PDZRN4: variants seen among roughly 807,000 people sequenced by gnomAD.
PDZRN4 encodes the protein PDZ domain containing ring finger 4.
PDZRN4 carries 70 observed loss-of-function variants against 99.0 expected under a neutral mutation model. That is an observed-to-expected ratio of 0.71 (90% CI 0.58 to 0.86). The LOEUF (loss-of-function observed/expected upper bound fraction) is 0.86. PDZRN4 is among the 40% of genes least tolerant of loss of function. The pLI is 0.00. For missense variants in PDZRN4, 1,474 were observed against 1,331.2 expected, an observed-to-expected ratio of 1.11 and a Z score of -1.67; for synonymous variants, 551 against 501.6, an observed-to-expected ratio of 1.10 and a Z score of -1.32.
intron 3 of PDZRN4, among the ~76,000 whole-genome samples, chr12:41,372,216 C>T (rs1401683481): frequency 6.6e-6 from 1 of 152,082 alleles, no homozygotes; most frequent in Non-Finnish European, 1.5e-5. Flanking sequence ...CAGAAAATTA[C>T]AGTGTGGCCC....
intron 3 of PDZRN4, among the ~76,000 whole-genome samples, chr12:41,323,848 T>C (rs556020376): frequency 1.3e-5 from 2 of 152,112 alleles, no homozygotes; most frequent in East Asian, 3.9e-4. Context: ...TTTATATTAA[T>C]TTTTTTAAAT....
chr12:41,252,138 T>TA (rs1327008422), intron 3 of PDZRN4, among the ~76,000 whole-genome samples: 2 of 148,856 alleles, frequency 1.3e-5, no homozygotes, highest in African/African-American at 2.5e-5. Context: ...AAATAAATAA[T>TA]AAAATGAAGT....
rs1461621445 is a variant in PDZRN4, at chr12:41,266,112, C to G, written c.843+71924C>G. Among the ~76,000 whole-genome samples, 2 of 13,870 alleles carry G rather than the reference C, an allele frequency of 1.4e-4. 1 individual carries two copies. The highest frequency in any genetic ancestry group is 3.7e-4 in the Non-Finnish European group (2 of 5,444). The allele number at this position is 13,870 out of a possible 152,430, so 9.1% of individuals were successfully genotyped here. A position where few individuals can be genotyped will look rare whatever the true frequency, so the allele number is the denominator to read the frequency against. ...GGATCACGAGGTCAGGAGATCGAGA[C>G]CATCCCGGCTAAAACGGTGAAACCC... On this transcript the variant is annotated intron_variant, in intron 3 of 9. Coordinates refer to ENST00000402685, the MANE Select transcript of PDZRN4 (RefSeq NM_001164595.2).
intron 3 of PDZRN4, among the ~76,000 whole-genome samples, chr12:41,219,749 G>A (rs1368536105): frequency 6.6e-6 from 1 of 152,124 alleles, no homozygotes; most frequent in Non-Finnish European, 1.5e-5. Flanking sequence ...TGGTTTTGCA[G>A]AAAACTGAAT....
intron 3 of PDZRN4, among the ~76,000 whole-genome samples, chr12:41,375,673 T>C (rs758574043): frequency 1.2e-4 from 18 of 152,186 alleles, no homozygotes; most frequent in Non-Finnish European, 2.2e-4. Flanking sequence ...TATACCTATA[T>C]ATTATGAAAG....
chr12:41,477,396 A>G (rs1592076321), intron 3 of PDZRN4, among the ~76,000 whole-genome samples: 1 of 152,192 alleles, frequency 6.6e-6, no homozygotes, highest in Admixed American at 6.5e-5. Flanking sequence ...CACACAAAGC[A>G]TGTTTCATTA....
intron 3 of PDZRN4, among the ~76,000 whole-genome samples, chr12:41,237,147 C>T (rs1951073211): frequency 6.6e-6 from 1 of 152,034 alleles, no homozygotes; most frequent in African/African-American, 2.4e-5. Context: ...AATCATTATA[C>T]CTTCTTGATA....
At chr12:41,444,470 C>G (rs1952706755) in intron 3 of PDZRN4, among the ~76,000 whole-genome samples, 2 of 152,232 alleles carry the variant, frequency 1.3e-5, no homozygotes, top group South Asian at 4.1e-4. Flanking sequence ...AGGGAACACT[C>G]CTTAGTAAAC....
rs181608559 is a variant in PDZRN4, at chr12:41,429,530, C to T, written c.844-76926C>T. 3.5e-3 allele frequency among the ~76,000 whole-genome samples: 539 copies of T among 152,288 alleles called. 6 individuals carry two copies. Among genetic ancestry groups the T allele is most frequent in the Middle Eastern group, 0.014 (4 of 294 alleles). On this transcript the variant is annotated intron_variant, in intron 3 of 9. Transcript: ENST00000402685. ...GCTGTGAGCATCACCAGAATTCCTTCTTCTGGCCCTCTAGGAATTTGTCAT... is the reference window on the plus strand; with the variant it reads ...GCTGTGAGCATCACCAGAATTCCTTTTTCTGGCCCTCTAGGAATTTGTCAT...
chr12:41,368,340 C>T (rs746653002), intron 3 of PDZRN4, among the ~76,000 whole-genome samples: 7 of 152,044 alleles, frequency 4.6e-5, no homozygotes, highest in African/African-American at 1.7e-4. Flanking sequence ...ATTTTCTACT[C>T]TTGACTTTAT....
At chr12:41,342,285 G>T (rs546950795) in intron 3 of PDZRN4, among the ~76,000 whole-genome samples, 3 of 151,806 alleles carry the variant, frequency 2.0e-5, no homozygotes, top group South Asian at 2.1e-4. Flanking sequence ...ATAACAGTGG[G>T]CTGGGTAAGG....
intron 7 of PDZRN4, among the ~76,000 whole-genome samples, chr12:41,562,182 A>T (rs1235192491): frequency 6.6e-6 from 1 of 152,166 alleles, no homozygotes; most frequent in Non-Finnish European, 1.5e-5. Context: ...GATTGGAGTA[A>T]GAAAATACAA....
intron 3 of PDZRN4, among the ~76,000 whole-genome samples, chr12:41,466,734 T>C (rs1952928939): frequency 6.7e-6 from 1 of 149,096 alleles, no homozygotes; most frequent in Non-Finnish European, 1.5e-5. Flanking sequence ...TTTTCACAAA[T>C]CCTTTATATT....
intron 3 of PDZRN4, among the ~76,000 whole-genome samples, chr12:41,479,360 A>T (rs1410866883): frequency 6.6e-6 from 1 of 152,238 alleles, no homozygotes; most frequent in Non-Finnish European, 1.5e-5. Context: ...GTATTATGAT[A>T]CTATGTATCC....
chr12:41,358,199 A>C (rs1254631581), intron 3 of PDZRN4, among the ~76,000 whole-genome samples: 1 of 151,966 alleles, frequency 6.6e-6, no homozygotes, highest in East Asian at 1.9e-4. Flanking sequence ...TGGGAGGTTG[A>C]CAAAAAGCAC....
In PDZRN4 at chr12:41,448,269, A is replaced by G. The variant is rs534912195; in HGVS notation, c.844-58187A>G. On this transcript the variant is annotated intron_variant, in intron 3 of 9. Coordinates refer to ENST00000402685, the MANE Select transcript of PDZRN4 (RefSeq NM_001164595.2). The stretch of plus-strand genomic sequence containing the variant: ...AAACTATAACTTTCTATTTAAGACA[A>G]TGTGATTTTTCCCATCTCTTTTTCT... Among the ~76,000 whole-genome samples the G allele has an allele frequency of 3.3e-5, 5 of 152,264 alleles. No individual in the cohort carries two copies. In the South Asian group the frequency reaches 1.0e-3, roughly 32 times the overall value.
chr12:41,574,132 A>T lies in PDZRN4; in HGVS notation c.*242A>T, dbSNP rs1225373812. The stretch of plus-strand genomic sequence containing the variant: ...TCATATTACTCGTTTATAAAAAATC[A>T]AAAACAAAAGGAAAGAAAACAAAAA... On this transcript the variant is annotated 3_prime_UTR_variant, in exon 10 of 10. Transcript: ENST00000402685. The T allele has an allele frequency of 3.2e-6, 1 of 311,056 alleles. No homozygotes were observed. The highest frequency in any genetic ancestry group is 2.1e-5 in the African/African-American group (1 of 46,740). 19.3% of individuals were successfully genotyped at this position (311,056 alleles called of 1,614,324 possible). A position where few individuals can be genotyped will look rare whatever the true frequency, so the allele number is the denominator to read the frequency against.
intron 3 of PDZRN4, among the ~76,000 whole-genome samples, chr12:41,468,815 C>CT (rs1240662826): frequency 1.1e-4 from 17 of 152,076 alleles, no homozygotes; most frequent in Non-Finnish European, 1.8e-4. Context: ...TCTAATAAGC[C>CT]TTTTTTACTC....
chr12:41,372,223 G>T (rs1030087680), intron 3 of PDZRN4, among the ~76,000 whole-genome samples: 8 of 152,058 alleles, frequency 5.3e-5, no homozygotes, highest in Non-Finnish European at 8.8e-5. Flanking sequence ...TTACAGTGTG[G>T]CCCAGCCTTG....
Sources: gnomAD v4.1 joint callset for allele counts (sites outside exome capture counted in the v4.1 genomes callset) on GRCh38, gnomAD v4.1.1 for gene constraint, MANE v1.5 for transcripts, NCBI Gene and HGNC (gene_info 2026-07-23, HGNC 2026-07-21) for gene names.